Variants in WWC2 observed in about 807,000 individuals in gnomAD.
The protein encoded by WWC2 is WW and C2 domain containing 2, also known as protein WWC2.
A neutral mutation model predicts 138.5 loss-of-function variants in WWC2; 101 were observed. The observed-to-expected ratio is 0.73, with a 90% confidence interval of 0.62 to 0.86. The LOEUF is 0.86. Among genes scored for constraint, WWC2 ranks in the 40% least tolerant of loss-of-function variants. The pLI, the probability that WWC2 is intolerant of heterozygous loss-of-function variation, is 0.00. For missense variants in WWC2, 1,420 were observed against 1,419.4 expected, an observed-to-expected ratio of 1.00 and a Z score of -0.01; for synonymous variants, 558 against 538.4, an observed-to-expected ratio of 1.04 and a Z score of -0.50.
intron 1 of WWC2, among the ~76,000 whole-genome samples, chr4:183,190,640 A>G (rs1389047599): frequency 6.6e-6 from 1 of 152,022 alleles, no homozygotes. Context: ...ATTTGAAGGA[A>G]CTCTGCAAAG....
chr4:183,125,993 C>A (rs917694535), intron 1 of WWC2, among the ~76,000 whole-genome samples: 1 of 152,222 alleles, frequency 6.6e-6, no homozygotes, highest in Non-Finnish European at 1.5e-5. Flanking sequence ...GAGGCACTTG[C>A]TCTGCCATGC....
At chr4:183,231,521 T>C (rs1378357954) in intron 4 of WWC2, among the ~76,000 whole-genome samples, 1 of 151,906 alleles carries the variant, frequency 6.6e-6, no homozygotes, top group African/African-American at 2.4e-5. Context: ...CCACCTGCCT[T>C]GGCCTCCTAA....
At chr4:183,223,884 C>G (rs574093169) in intron 4 of WWC2, among the ~76,000 whole-genome samples, 1 of 152,062 alleles carries the variant, frequency 6.6e-6, no homozygotes, top group African/African-American at 2.4e-5. Flanking sequence ...GCACCTGCCA[C>G]CATGCCCAGC....
intron 10 of WWC2, among the ~76,000 whole-genome samples, chr4:183,260,639 G>A (rs76086441): frequency 1.3e-5 from 2 of 152,252 alleles, no homozygotes; most frequent in Middle Eastern, 3.4e-3. Flanking sequence ...ACATAGCTTG[G>A]GTGTGCAGTA....
chr4:183,193,463 C>G, intron 1 of WWC2, 136 bp from the exon 2 acceptor site: 1 of 706,690 alleles, frequency 1.4e-6, no homozygotes, highest in Non-Finnish European at 2.4e-6. Flanking sequence ...ATATATACAT[C>G]TGTATTTTAT....
intron 16 of WWC2, among the ~76,000 whole-genome samples, chr4:183,275,131 T>A (rs114804664): frequency 0.011 from 1,560 of 144,022 alleles, 24 homozygotes; most frequent in African/African-American, 0.037. Flanking sequence ...GTTGCATTTT[T>A]AAGTGTTTGT....
rs764162279 is a variant in WWC2, at chr4:183,319,707, A to G, written c.*3978A>G. ...TCCTAGCAGAAGAGAAAGTCCAGCA[A>G]ACCAGCCCAGAAACAGGGCCTCCCC... is the stretch of plus-strand genomic sequence containing the variant. On this transcript the variant is annotated 3_prime_UTR_variant, in exon 23 of 23. Coordinates refer to ENST00000403733, the MANE Select transcript of WWC2 (RefSeq NM_024949.6). 1.9e-6 allele frequency: 3 copies of G among 1,614,032 alleles called. No homozygotes were observed. The highest frequency in any genetic ancestry group is 2.7e-5 in the African/African-American group (2 of 74,906).
intron 14 of WWC2, among the ~76,000 whole-genome samples, chr4:183,268,484 CT>C (rs1425258026): frequency 6.6e-6 from 1 of 152,114 alleles, no homozygotes; most frequent in African/African-American, 2.4e-5. Context: ...GCTACTGAGC[CT>C]TTCTTTTTCT....
intron 1 of WWC2, among the ~76,000 whole-genome samples, chr4:183,123,402 GGTGTGTGT>G (rs67158904): frequency 0.033 from 4,835 of 147,694 alleles, 94 homozygotes; most frequent in Non-Finnish European, 0.037. Context: ...GCAAGTTTCA[GGTGTGTGT>G]GTGTGTGTGT....
At chr4:183,234,671 G>A (rs1413902542) in intron 4 of WWC2, among the ~76,000 whole-genome samples, 2 of 151,942 alleles carry the variant, frequency 1.3e-5, no homozygotes, top group Non-Finnish European at 1.5e-5. Flanking sequence ...TTTAGGTCCC[G>A]GGTTCTTTAC....
chr4:183,243,470 C>T (rs938728095), intron 5 of WWC2, among the ~76,000 whole-genome samples: 1 of 152,164 alleles, frequency 6.6e-6, no homozygotes, highest in African/African-American at 2.4e-5. Context: ...TATAATACTT[C>T]AGGGAGTCAG....
At chr4:183,145,141 C>G in intron 1 of WWC2, among the ~76,000 whole-genome samples, 1 of 152,198 alleles carries the variant, frequency 6.6e-6, no homozygotes, top group East Asian at 1.9e-4. Context: ...AATTTTGGCA[C>G]TGTAGATTAC....
intron 1 of WWC2, among the ~76,000 whole-genome samples, chr4:183,155,681 C>A (rs1316230121): frequency 6.6e-6 from 1 of 152,116 alleles, no homozygotes; most frequent in Admixed American, 6.5e-5. Context: ...GTTGGTTGGA[C>A]TACATGTACT....
At chr4:183,134,321 A>G (rs181988749) in intron 1 of WWC2, among the ~76,000 whole-genome samples, 16 of 143,552 alleles carry the variant, frequency 1.1e-4, no homozygotes, top group African/African-American at 3.0e-4. Context: ...TGATTTTACT[A>G]TTTTTTTTTT....
intron 17 of WWC2, chr4:183,281,274 A>C (rs1173234569): frequency 1.8e-5 from 5 of 270,466 alleles, no homozygotes; most frequent in Non-Finnish European, 2.7e-5. Flanking sequence ...TTTAGGCTCT[A>C]GTAAGACAAA....
intron 1 of WWC2, among the ~76,000 whole-genome samples, chr4:183,114,187 C>A (rs912221151): frequency 1.3e-5 from 2 of 152,104 alleles, no homozygotes; most frequent in East Asian, 3.9e-4. Context: ...CTCCTCCCCC[C>A]GCCATCCTCT....
At position 183,245,445 on chromosome 4, in the gene WWC2, G is replaced by T; in HGVS notation, c.632G>T (p.Ser211Ile). 1 of 1,582,426 alleles carries T rather than the reference G, an allele frequency of 6.3e-7. No individual in the cohort carries two copies. Among genetic ancestry groups the T allele is most frequent in the Non-Finnish European group, 8.6e-7 (1 of 1,169,478 alleles). ...QIDKKMSGGQ[S>I]GYELSEAKAI... is the part of the protein sequence containing the mutation. The stretch of plus-strand genomic sequence containing the variant: ...GATAAAAAAATGTCTGGAGGCCAGA[G>T]CGGGTATGAACTCAGTGAAGCCAAA... The change falls in exon 6 of 23, where the codon AGC (serine) becomes ATC (isoleucine). Residue 211 changes from serine to isoleucine, a missense_variant. Physicochemically the swap from Ser to Ile is moderately radical, Grantham distance 142 (BLOSUM62 -2). Transcript: ENST00000403733.
In WWC2 at chr4:183,314,104, C is replaced by T. The variant is rs190194924; in HGVS notation, c.3513-1559C>T. Among the ~76,000 whole-genome samples the T allele has an allele frequency of 4.0e-3, 609 of 152,092 alleles. 2 individuals carry two copies. Among genetic ancestry groups the T allele is most frequent in the African/African-American group, 0.014 (583 of 41,464 alleles). The stretch of plus-strand genomic sequence containing the variant: ...CAAGCGGGAGGGCAGGGCCACGGAC[C>T]GTGTGGCAGCAGCAGTGTGCCTTAG... On this transcript the variant is annotated intron_variant, in intron 22 of 22. Coordinates refer to ENST00000403733, the MANE Select transcript of WWC2 (RefSeq NM_024949.6).
rs1055320282 is a variant in WWC2, at chr4:183,118,108, A to AT, written c.131+18494dup. 3.3e-4 allele frequency among the ~76,000 whole-genome samples: 50 copies of AT among 152,106 alleles called. 1 individual carries two copies. The highest frequency in any genetic ancestry group is 1.5e-3 in the East Asian group (8 of 5,168). On this transcript the variant is annotated intron_variant, in intron 1 of 22. Transcript: ENST00000403733. ...CCACTGCGCCTGGCCGGTTATGGAT[A>AT]TTTTTTTTACCTCTACTCTTATAGT...
Sources: allele counts gnomAD v4.1 joint callset (sites outside exome capture counted in the v4.1 genomes callset), GRCh38; gene constraint gnomAD v4.1.1; transcripts MANE v1.5; gene names NCBI Gene and HGNC (gene_info 2026-07-23, HGNC 2026-07-21).